The following ZNF503 variants were observed in gnomAD, a reference collection of about 807,000 sequenced individuals.
ZNF503 encodes the protein NocA-like zinc finger 2.
ZNF503 carries 15 observed loss-of-function variants against 34.4 expected under a neutral mutation model. The ratio of observed to expected loss-of-function variants is 0.44; its 90% CI spans 0.29 to 0.67. The LOEUF (loss-of-function observed/expected upper bound fraction) is 0.67, where lower values mean the gene tolerates loss of function less well. ZNF503 is among the 30% of genes least tolerant of loss of function. The pLI is 0.13. For missense variants in ZNF503, 1,007 were observed against 926.8 expected (o/e 1.09, Z -1.12); for synonymous variants, 580 against 456.8 (o/e 1.27, Z -3.44).
At chr10:75,363,927 C>CT in the ZNF503 span, among the ~76,000 whole-genome samples, 1 of 152,236 alleles carries the variant, frequency 6.6e-6, no homozygotes. Flanking sequence ...TGCAGCCATA[C>CT]TGTGGCCCTT....
chr10:75,305,944 G>A, the ZNF503 span, among the ~76,000 whole-genome samples: 3 of 152,180 alleles, frequency 2.0e-5, no homozygotes, highest in African/African-American at 7.2e-5. Flanking sequence ...AAGTGGTTAA[G>A]TGGACAGTTG....
chr10:75,400,078 A>ACCCCCCCCCCCCCCCCCCCCCCCCCC lies in ZNF503; in HGVS notation c.611_612insGGGGGGGGGGGGGGGGGGGGGGGGGG (p.Val205GlyfsTer99). 2 of 1,538,104 alleles carry ACCCCCCCCCCCCCCCCCCCCCCCCCC rather than the reference A, an allele frequency of 1.3e-6. No homozygotes were observed. The highest frequency in any genetic ancestry group is 1.7e-6 in the Non-Finnish European group (2 of 1,145,170). On this transcript the variant is annotated frameshift_variant, in exon 2 of 2. Coordinates refer to ENST00000372524, the MANE Select transcript of ZNF503 (RefSeq NM_032772.6). LOFTEE classifies it high-confidence loss of function. ...GGAATCCCGACTTCTCCGACGAAAC[A>ACCCCCCCCCCCCCCCCCCCCCCCCCC]CCCCCGCCGCCGCCCCCGCCACCGC...
downstream of ZNF503, among the ~76,000 whole-genome samples, chr10:75,393,140 A>AC (rs1219682529): frequency 3.3e-5 from 5 of 152,044 alleles, no homozygotes; most frequent in Non-Finnish European, 5.9e-5. Flanking sequence ...TAGCCCAGAT[A>AC]CCCCCTGGGC....
the ZNF503 span, among the ~76,000 whole-genome samples, chr10:75,341,561 G>A: frequency 6.6e-6 from 1 of 152,120 alleles, no homozygotes; most frequent in Non-Finnish European, 1.5e-5. Context: ...TTACTTGTGG[G>A]TTGGCTGAGA....
the ZNF503 span, among the ~76,000 whole-genome samples, chr10:75,327,469 A>T: frequency 1.3e-5 from 2 of 152,208 alleles, no homozygotes; most frequent in Non-Finnish European, 2.9e-5. Flanking sequence ...CATTATGTAG[A>T]TGTAACATAT....
At chr10:75,306,926 C>T in the ZNF503 span, among the ~76,000 whole-genome samples, 2 of 152,274 alleles carry the variant, frequency 1.3e-5, no homozygotes, top group Non-Finnish European at 2.9e-5. Flanking sequence ...TCCCCTATCT[C>T]TTTCCCTTTC....
chr10:75,313,984 T>G, the ZNF503 span, among the ~76,000 whole-genome samples: 1 of 152,064 alleles, frequency 6.6e-6, no homozygotes, highest in Non-Finnish European at 1.5e-5. Flanking sequence ...AGTGGAGGCT[T>G]TTTCAAATGT....
rs553577881 is a variant in ZNF503, at chr10:75,398,213, T to A, written c.*536A>T. The A allele has an allele frequency of 6.5e-6, 1 of 152,852 alleles. No homozygotes were observed. The highest frequency in any genetic ancestry group is 1.9e-4 in the East Asian group (1 of 5,198). 9.5% of individuals were successfully genotyped at this position (152,852 alleles called of 1,614,324 possible). The stretch of plus-strand genomic sequence containing the variant: ...CAATCAGACATTAAATAACGTACAA[T>A]ACAATCATAGCAATTTTAAAGTAAC... On this transcript the variant is annotated 3_prime_UTR_variant, in exon 2 of 2. Coordinates refer to ENST00000372524, the MANE Select transcript of ZNF503 (RefSeq NM_032772.6).
At chr10:75,355,881 T>C in the ZNF503 span, among the ~76,000 whole-genome samples, 2 of 152,176 alleles carry the variant, frequency 1.3e-5, no homozygotes, top group Non-Finnish European at 2.9e-5. Flanking sequence ...GACTCAACTT[T>C]TGTGGGCTGG....
At chr10:75,283,467 C>T in the ZNF503 span, 2 of 152,208 alleles carry the variant, frequency 1.3e-5, no homozygotes, top group Non-Finnish European at 1.5e-5. Context: ...ACATTTGTCT[C>T]GATGACAAAC....
chr10:75,292,700 C>T, the ZNF503 span, among the ~76,000 whole-genome samples: 1 of 152,158 alleles, frequency 6.6e-6, no homozygotes, highest in African/African-American at 2.4e-5. Context: ...ATGTTTTTCC[C>T]AGTGGCCAGT....
chr10:75,393,322 A>C (rs1191262115), downstream of ZNF503, among the ~76,000 whole-genome samples: 1 of 152,242 alleles, frequency 6.6e-6, no homozygotes, highest in East Asian at 1.9e-4. Context: ...ACAGAGCCTC[A>C]ACCCAGGTGG....
the ZNF503 span, among the ~76,000 whole-genome samples, chr10:75,287,169 A>T: frequency 2.6e-5 from 4 of 152,062 alleles, no homozygotes; most frequent in Non-Finnish European, 5.9e-5. Flanking sequence ...TCCTAGCAGG[A>T]GGGGATCCTG....
At chr10:75,348,879 T>C in the ZNF503 span, among the ~76,000 whole-genome samples, 2 of 152,202 alleles carry the variant, frequency 1.3e-5, no homozygotes, top group Non-Finnish European at 1.5e-5. Context: ...AAATTGCAAA[T>C]CTATAAAATA....
At chr10:75,293,105 A>C in the ZNF503 span, among the ~76,000 whole-genome samples, 6 of 152,094 alleles carry the variant, frequency 3.9e-5, no homozygotes, top group African/African-American at 1.4e-4. Flanking sequence ...ACGGCTTCCG[A>C]GGTCTTCTTC....
At chr10:75,309,890 A>C in the ZNF503 span, among the ~76,000 whole-genome samples, 1 of 151,824 alleles carries the variant, frequency 6.6e-6, no homozygotes. Flanking sequence ...TAGGTCTTTA[A>C]TTCATTTCGA....
At chr10:75,288,549 T>C in the ZNF503 span, 1 of 152,602 alleles carries the variant, frequency 6.6e-6, no homozygotes, top group African/African-American at 2.4e-5. Context: ...GCCTTTTGTG[T>C]TGGGGCTCCC....
the ZNF503 span, among the ~76,000 whole-genome samples, chr10:75,322,008 C>T: frequency 2.4e-4 from 37 of 152,094 alleles, no homozygotes; most frequent in Middle Eastern, 3.2e-3. Context: ...CCATGGAGCA[C>T]TCAATATACA....
rs757746328 is a variant in ZNF503, at chr10:75,399,490, C to A, written c.1200G>T (p.Gly400=). Residue 400 remains glycine (G), a synonymous_variant, in exon 2 of 2, where the codon GGG becomes GGT. Coordinates refer to ENST00000372524, the MANE Select transcript of ZNF503 (RefSeq NM_032772.6). ...VGAQLAAAAA[G]SLGCSKPAGS... ...CGGCCGGCTTACTGCAGCCCAGAGA[C>A]CCGGCCGCGGCCGCCGCCAGCTGCG... 3.2e-6 allele frequency: 5 copies of A among 1,570,228 alleles called. No individual in the cohort carries two copies. Among genetic ancestry groups the A allele is most frequent in the Non-Finnish European group, 3.4e-6 (4 of 1,164,950 alleles).
Sources: allele counts gnomAD v4.1 joint callset (sites outside exome capture counted in the v4.1 genomes callset), GRCh38; gene constraint gnomAD v4.1.1; transcripts MANE v1.5; gene names NCBI Gene and HGNC (gene_info 2026-07-23, HGNC 2026-07-21).